The following NCAM2 variants were observed in gnomAD, a reference collection of about 807,000 sequenced individuals.
The protein encoded by NCAM2 is neural cell adhesion molecule 2.
A neutral mutation model predicts 98.1 loss-of-function variants in NCAM2; 30 were observed. The ratio of observed to expected loss-of-function variants is 0.31; its 90% confidence interval spans 0.23 to 0.41. NCAM2 has a LOEUF of 0.41. Ranked by LOEUF, NCAM2 falls within the 10% of genes least tolerant of loss-of-function variation. The probability of loss-of-function intolerance (pLI) is 1.00; values close to 1 mark genes in which losing one functional copy is unlikely to be tolerated. For synonymous variants in NCAM2, 368 were observed against 342.4 expected (o/e 1.07, Z -0.83); for missense variants, 867 against 1,005.8 (o/e 0.86, Z 1.87).
chr21:21,430,106 G>A (rs1188786152), intron 11 of NCAM2, among the ~76,000 whole-genome samples: 3 of 151,888 alleles, frequency 2.0e-5, no homozygotes, highest in African/African-American at 7.3e-5. Context: ...TCAACTCACT[G>A]CAACTTCTAC....
rs1330291580 is a variant in NCAM2, at chr21:21,539,847, G to A, written c.*1890G>A. On this transcript the variant is annotated 3_prime_UTR_variant, in exon 18 of 18. Transcript: ENST00000400546. ...TATCCAACTGGTCTTTGACAGATTT[G>A]ACTGTTCATATTTAGTTTATGTTTG... 1 of 152,142 alleles carries A rather than the reference G, an allele frequency of 6.6e-6. No homozygotes were observed. Among genetic ancestry groups the A allele is most frequent in the Non-Finnish European group, 1.5e-5 (1 of 68,016 alleles). The allele number at this position is 152,142 out of a possible 1,614,324, so 9.4% of individuals were successfully genotyped here.
At chr21:21,033,867 T>TC (rs2146233378) in intron 1 of NCAM2, among the ~76,000 whole-genome samples, 1 of 152,264 alleles carries the variant, frequency 6.6e-6, no homozygotes, top group South Asian at 2.1e-4. Context: ...TTCTGAACTA[T>TC]CCCCATCTGC....
chr21:21,030,705 G>A (rs1168605002), intron 1 of NCAM2, among the ~76,000 whole-genome samples: 5 of 152,176 alleles, frequency 3.3e-5, no homozygotes, highest in Middle Eastern at 3.2e-3. Flanking sequence ...TGGTATTAAG[G>A]GAGGTAAGTT....
intron 6 of NCAM2, among the ~76,000 whole-genome samples, chr21:21,326,912 C>A (rs1157886450): frequency 6.6e-6 from 1 of 152,038 alleles, no homozygotes; most frequent in Non-Finnish European, 1.5e-5. Flanking sequence ...AGAAAAAATT[C>A]CTGAAAGTAT....
rs959606484 is a variant in NCAM2, at chr21:21,538,758, T to C, written c.*801T>C. On this transcript the variant is annotated 3_prime_UTR_variant, in exon 18 of 18. Coordinates refer to ENST00000400546, the MANE Select transcript of NCAM2 (RefSeq NM_004540.5). ...TGCCCTCAGCTTCAAATAAAGTAAA[T>C]TGAAATGGGAACAATATCAATATGG... The C allele has an allele frequency of 1.3e-5, 2 of 152,134 alleles. No homozygotes were observed. Among genetic ancestry groups the C allele is most frequent in the Admixed American group, 1.3e-4 (2 of 15,258 alleles). 9.4% of individuals were successfully genotyped at this position (152,134 alleles called of 1,614,324 possible).
intron 8 of NCAM2, among the ~76,000 whole-genome samples, chr21:21,349,224 T>G (rs1347102376): frequency 6.6e-6 from 1 of 152,088 alleles, no homozygotes; most frequent in Non-Finnish European, 1.5e-5. Context: ...GCTCAAATAA[T>G]TCTATAGAAA....
chr21:21,258,333 G>C (rs982677512), intron 1 of NCAM2, among the ~76,000 whole-genome samples: 5 of 152,246 alleles, frequency 3.3e-5, no homozygotes, highest in African/African-American at 1.2e-4. Flanking sequence ...TCAGGACAAA[G>C]ATCAAAGTGA....
intron 1 of NCAM2, among the ~76,000 whole-genome samples, chr21:21,209,007 CTG>C (rs2069546013): frequency 6.6e-6 from 1 of 151,960 alleles, no homozygotes; most frequent in African/African-American, 2.4e-5. Flanking sequence ...GATGCCTCAT[CTG>C]TGTTGTGATT....
At chr21:21,176,019 T>C (rs2068276489) in intron 1 of NCAM2, among the ~76,000 whole-genome samples, 1 of 152,158 alleles carries the variant, frequency 6.6e-6, no homozygotes. Context: ...CCAGTATTTA[T>C]TCTAAAAAAG....
intron 9 of NCAM2, among the ~76,000 whole-genome samples, chr21:21,393,827 CA>C (rs1480258947): frequency 1.3e-5 from 2 of 151,922 alleles, no homozygotes; most frequent in Non-Finnish European, 2.9e-5. Flanking sequence ...CAATAGAAGA[CA>C]AATTAGCCAT....
rs61014517 is a variant in NCAM2, at chr21:21,081,055, G to A, written c.55+82437G>A. On this transcript the variant is annotated intron_variant, in intron 1 of 17. Coordinates refer to ENST00000400546, the MANE Select transcript of NCAM2 (RefSeq NM_004540.5). Reference sequence around the variant, plus strand: ...TGATGGCTTACTTCCAGGATCTTGCGTTACTTCACCCTGGTTCTTCCATTG... The same window carrying A: ...TGATGGCTTACTTCCAGGATCTTGCATTACTTCACCCTGGTTCTTCCATTG... Among the ~76,000 whole-genome samples the A allele has an allele frequency of 1.7e-4, 26 of 152,216 alleles. No homozygotes were observed. The East Asian group carries it at 4.7e-3, about 27-fold the overall frequency.
chr21:21,490,455 TAAGTTA>T (rs1986756358), intron 15 of NCAM2, among the ~76,000 whole-genome samples: 1 of 151,970 alleles, frequency 6.6e-6, no homozygotes, highest in East Asian at 1.9e-4. Context: ...TATGTATGCT[TAAGTTA>T]AATTCAATTA....
chr21:21,297,091 A>G (rs896750114), intron 5 of NCAM2, among the ~76,000 whole-genome samples: 5 of 151,800 alleles, frequency 3.3e-5, no homozygotes, highest in African/African-American at 1.2e-4. Context: ...GGGGAACATC[A>G]CAAAGTTGAG....
intron 5 of NCAM2, among the ~76,000 whole-genome samples, chr21:21,310,876 A>G (rs930868356): frequency 6.6e-6 from 1 of 152,116 alleles, no homozygotes; most frequent in Non-Finnish European, 1.5e-5. Context: ...TTTCCCTGCC[A>G]TTATAATTTT....
chr21:21,127,288 A>C (rs944498338), intron 1 of NCAM2, among the ~76,000 whole-genome samples: 1 of 151,936 alleles, frequency 6.6e-6, no homozygotes, highest in African/African-American at 2.4e-5. Flanking sequence ...ACTGAAATGG[A>C]ACATTTGCAA....
intron 1 of NCAM2, among the ~76,000 whole-genome samples, chr21:21,024,312 C>T (rs1355576768): frequency 1.3e-5 from 2 of 152,156 alleles, no homozygotes; most frequent in African/African-American, 4.8e-5. Flanking sequence ...AGACACACAC[C>T]TTGCTTTTGC....
chr21:21,197,110 T>G (rs1411020840), intron 1 of NCAM2, among the ~76,000 whole-genome samples: 1 of 152,064 alleles, frequency 6.6e-6, no homozygotes, highest in African/African-American at 2.4e-5. Flanking sequence ...AAACCTCGTT[T>G]TTTTGTTTGT....
intron 1 of NCAM2, among the ~76,000 whole-genome samples, chr21:21,199,874 T>A (rs977474073): frequency 2.4e-4 from 37 of 152,188 alleles, no homozygotes; most frequent in Non-Finnish European, 7.4e-5. Flanking sequence ...TGGTTCACCA[T>A]TAGAGGCTGG....
At chr21:21,439,701 T>A (rs1031403587) in intron 12 of NCAM2, among the ~76,000 whole-genome samples, 1 of 152,192 alleles carries the variant, frequency 6.6e-6, no homozygotes, top group Admixed American at 6.5e-5. Flanking sequence ...GGTGCAAATA[T>A]GCAAAGTACC....
Sources: gnomAD v4.1 joint callset for allele counts (sites outside exome capture counted in the v4.1 genomes callset) on GRCh38, gnomAD v4.1.1 for gene constraint, MANE v1.5 for transcripts, NCBI Gene and HGNC (gene_info 2026-07-23, HGNC 2026-07-21) for gene names.